ARHGEF4: variants seen among roughly 807,000 people sequenced by gnomAD.
ARHGEF4 encodes the protein Rho guanine nucleotide exchange factor 4.
Under a neutral mutation model 162.0 loss-of-function variants are expected in ARHGEF4, and 119 were observed. That is an observed-to-expected ratio of 0.73 (90% CI 0.63 to 0.86). The LOEUF (loss-of-function observed/expected upper bound fraction) is 0.86, where lower values mean the gene tolerates loss of function less well. ARHGEF4 is among the 40% of genes least tolerant of loss of function. ARHGEF4 has a pLI of 0.00. For synonymous variants in ARHGEF4, 1,014 were observed against 979.9 expected (o/e 1.03, Z -0.65); for missense variants, 2,488 against 2,456.0 (o/e 1.01, Z -0.28).
intron 12 of ARHGEF4, 107 bp downstream of exon 12, chr2:131,044,649 C>T: frequency 7.0e-7 from 1 of 1,430,076 alleles, no homozygotes; most frequent in East Asian, 2.5e-5. Flanking sequence ...TCTCAGGTTG[C>T]AGGGTGTAGC....
chr2:130,983,918 G>T (rs1181950904), intron 4 of ARHGEF4, among the ~76,000 whole-genome samples: 1 of 152,044 alleles, frequency 6.6e-6, no homozygotes, highest in East Asian at 1.9e-4. Flanking sequence ...CAAAGTGCTG[G>T]GATTACAGGC....
intron 3 of ARHGEF4, among the ~76,000 whole-genome samples, chr2:130,938,742 G>A (rs1197303801): frequency 6.6e-6 from 1 of 152,030 alleles, no homozygotes; most frequent in Non-Finnish European, 1.5e-5. Context: ...TTTAAATGTT[G>A]TTGAAGTCTA....
intron 4 of ARHGEF4, among the ~76,000 whole-genome samples, chr2:130,959,250 TTTCTTAAACTTCCTTCTTTTATTGC>T (rs1295664328): frequency 5.7e-4 from 87 of 152,300 alleles, no homozygotes; most frequent in African/African-American, 1.9e-3. Flanking sequence ...CCTAGATACA[TTTCTTAAACTTCCTTCTTTTATTGC>T]CAGCAGCTAG....
Position 131,038,899 on chromosome 2 carries a change from A to G in ARHGEF4, c.4172A>G (p.His1391Arg), listed in dbSNP as rs762630538. Residue 1391 changes from histidine to arginine, a missense_variant, in exon 6 of 14, where the codon CAT becomes CGT. By Grantham distance (29) the His-to-Arg change is conservative (BLOSUM62 0). Transcript: ENST00000409359. Reference protein sequence around the residue: ...SVVCAEALWDHVTMDDQELGF... With the variant: ...SVVCAEALWDRVTMDDQELGF... ...GTCTGCGCTGAAGCACTCTGGGACC[A>G]TGTCACCATGGACGACCAGGAGCTG... 5.0e-6 allele frequency: 8 copies of G among 1,613,534 alleles called. No homozygotes were observed. Among genetic ancestry groups the G allele is most frequent in the South Asian group, 1.1e-5 (1 of 91,070 alleles).
At chr2:130,990,337 T>C (rs1686860726) in intron 4 of ARHGEF4, among the ~76,000 whole-genome samples, 1 of 152,112 alleles carries the variant, frequency 6.6e-6, no homozygotes, top group South Asian at 2.1e-4. Flanking sequence ...AAAAAAGAAT[T>C]GAAAAGTTCA....
intron 1 of ARHGEF4, among the ~76,000 whole-genome samples, chr2:130,884,062 A>G (rs551298725): frequency 6.6e-6 from 1 of 152,210 alleles, no homozygotes; most frequent in East Asian, 1.9e-4. Context: ...ATGCAAAGTT[A>G]TTTTATGTTG....
chr2:130,979,897 TAGAG>T lies in ARHGEF4; in HGVS notation c.3985+33265_3985+33268del, dbSNP rs202192535. On this transcript the variant is annotated intron_variant, in intron 4 of 13. Coordinates refer to ENST00000409359, the MANE Select transcript of ARHGEF4 (RefSeq NM_001367493.1). ...ATAATATAAAATGTTTACGCTTTGA[TAGAG>T]AGGAAACTTTCTCAAACAATAAGAC... 6.5e-3 allele frequency among the ~76,000 whole-genome samples: 989 copies of T among 152,270 alleles called. 10 individuals are homozygous for T. Among genetic ancestry groups the T allele is most frequent in the African/African-American group, 0.023 (954 of 41,548 alleles).
chr2:130,996,929 T>C (rs1406372259), intron 4 of ARHGEF4, among the ~76,000 whole-genome samples: 3 of 152,254 alleles, frequency 2.0e-5, no homozygotes, highest in Non-Finnish European at 4.4e-5. Flanking sequence ...TCTTGTTGAT[T>C]TGCAAGAGCT....
intron 2 of ARHGEF4, among the ~76,000 whole-genome samples, chr2:130,919,945 T>C (rs897769886): frequency 6.6e-6 from 1 of 151,872 alleles, no homozygotes; most frequent in Admixed American, 6.6e-5. Context: ...TGCACACACA[T>C]ACATGGTGCA....
At chr2:130,960,642 A>C (rs1315794523) in intron 4 of ARHGEF4, among the ~76,000 whole-genome samples, 1 of 152,184 alleles carries the variant, frequency 6.6e-6, no homozygotes, top group African/African-American at 2.4e-5. Flanking sequence ...CTACCATATG[A>C]TGGTAAAGGG....
Position 130,915,699 on chromosome 2 carries a change from G to C in ARHGEF4, c.1753G>C (p.Gly585Arg). ...DPNYREQALQGLSEFKAATVS... is the reference protein window; with the variant it reads ...DPNYREQALQRLSEFKAATVS... ...CAACTACAGGGAACAGGCTTTGCAA[G>C]GTCTTTCAGAATTCAAGGCAGCCAC... Residue 585 changes from glycine (G) to arginine (R), a missense_variant, in exon 2 of 14, where the codon GGT (glycine) becomes CGT (arginine). By Grantham distance (125) the Gly-to-Arg change is moderately radical. This residue lies in a region of ARHGEF4 where 1,642 missense variants were observed against 1,481.5 expected (regional missense o/e 1.11). Transcript: ENST00000409359. 1 of 1,550,288 alleles carries C rather than the reference G, an allele frequency of 6.5e-7. No homozygotes were observed.
At chr2:130,841,696 T>C (rs557039051) in intron 1 of ARHGEF4, among the ~76,000 whole-genome samples, 14 of 152,358 alleles carry the variant, frequency 9.2e-5, no homozygotes, top group African/African-American at 2.9e-4. Context: ...TGTTTCTTGG[T>C]GCTTCCGGCT....
chr2:131,041,297 G>A lies in ARHGEF4; in HGVS notation c.4730G>A (p.Arg1577Gln), dbSNP rs1423630940. The A allele has an allele frequency of 6.2e-7, 1 of 1,613,764 alleles. No individual in the cohort carries two copies. The highest frequency in any genetic ancestry group is 8.5e-7 in the Non-Finnish European group (1 of 1,180,030). Residue 1577 changes from arginine (R) to glutamine (Q), a missense_variant, in exon 9 of 14, where the codon CGG becomes CAG. Coordinates refer to ENST00000409359, the MANE Select transcript of ARHGEF4 (RefSeq NM_001367493.1). ...CCCAACGCCTGCGTGGAGCTCTCCC[G>A]GCTCACCAAGCTCAGCAAGTACGTG... ...NHPNACVELS[R>Q]LTKLSKYVYF...
chr2:130,915,676 A>G lies in ARHGEF4; in HGVS notation c.1730A>G (p.Asn577Ser), dbSNP rs35337771. ...GAAGAAGCCATGGTTCTAGACCCCA[A>G]CTACAGGGAACAGGCTTTGCAAGGT... The part of the protein sequence containing the change: ...AAEEAMVLDP[N>S]YREQALQGLS... Residue 577 changes from asparagine to serine, a missense_variant, in exon 2 of 14, where the codon AAC becomes AGC. Physicochemically the swap from Asn to Ser is conservative, Grantham distance 46. Coordinates refer to ENST00000409359, the MANE Select transcript of ARHGEF4 (RefSeq NM_001367493.1). 7.7e-6 allele frequency: 12 copies of G among 1,550,452 alleles called. No homozygotes were observed. In the East Asian group the frequency reaches 2.2e-4, roughly 28 times the overall value.
chr2:130,924,533 G>A (rs542955563), intron 2 of ARHGEF4, among the ~76,000 whole-genome samples: 49 of 152,172 alleles, frequency 3.2e-4, no homozygotes, highest in Non-Finnish European at 5.9e-4. Flanking sequence ...GTATTTCTGC[G>A]TGTGTGTATG....
chr2:130,906,323 A>G lies in ARHGEF4; in HGVS notation c.40-7663A>G, dbSNP rs149780170. On this transcript the variant is annotated intron_variant, in intron 1 of 13. Coordinates refer to ENST00000409359, the MANE Select transcript of ARHGEF4 (RefSeq NM_001367493.1). ...GCTCTCCCAGCAGACAGGGCAGATA[A>G]ACATACGTTGTATATATTAACCCAT... 1.0e-3 allele frequency among the ~76,000 whole-genome samples: 157 copies of G among 152,344 alleles called. 1 individual carries two copies. The highest frequency in any genetic ancestry group is 3.4e-3 in the African/African-American group (141 of 41,572).
intron 5 of ARHGEF4, among the ~76,000 whole-genome samples, chr2:131,033,980 C>T (rs1292020652): frequency 6.6e-6 from 1 of 152,200 alleles, no homozygotes; most frequent in East Asian, 1.9e-4. Flanking sequence ...ACAGGTACCC[C>T]TTGTGTACAC....
chr2:130,925,996 CTATT>C lies in ARHGEF4; in HGVS notation c.3553-4954_3553-4951del, dbSNP rs1479923735. On this transcript the variant is annotated intron_variant, in intron 2 of 13. Transcript: ENST00000409359. ...TGCAGTCTCACAGGTCCATGATGCTCTATTTGTTTGGTTTTCTCTCTTTCTTTCT... is the reference window on the plus strand; with the variant it reads ...TGCAGTCTCACAGGTCCATGATGCTCTGTTTGGTTTTCTCTCTTTCTTTCT... Among the ~76,000 whole-genome samples, 3 of 139,870 alleles carry C rather than the reference CTATT, an allele frequency of 2.1e-5. No homozygotes were observed. The East Asian group carries it at 6.7e-4, about 31-fold the overall frequency. The allele number at this position is 139,870 out of a possible 152,430, so 91.8% of individuals were successfully genotyped here.
chr2:130,926,810 A>ATGTTTTTTTTTTT (rs1682319175), intron 2 of ARHGEF4, among the ~76,000 whole-genome samples: 1 of 48,948 alleles, frequency 2.0e-5, no homozygotes, highest in African/African-American at 6.9e-5. Flanking sequence ...CTTCTGGCTG[A>ATGTTTTTTTTTTT]TTTTTTTTTT....
Sources: allele counts gnomAD v4.1 joint callset (sites outside exome capture counted in the v4.1 genomes callset), GRCh38; gene constraint gnomAD v4.1.1; regional missense constraint gnomAD v4.1.1; transcripts MANE v1.5; gene names NCBI Gene and HGNC (gene_info 2026-07-23, HGNC 2026-07-21).